FUT8: variants seen among roughly 807,000 people sequenced by gnomAD.
FUT8 encodes the protein fucosyltransferase 8.
Under a neutral mutation model 71.3 loss-of-function variants are expected in FUT8, and 29 were observed. The observed-to-expected ratio is 0.41, with a 90% CI of 0.30 to 0.55. FUT8 has a LOEUF of 0.55. Ranked by LOEUF, FUT8 falls within the 20% of genes least tolerant of loss-of-function variation. The pLI is 0.34. For missense variants in FUT8, 544 were observed against 702.1 expected, an observed-to-expected ratio of 0.77 and a Z score of 2.55; for synonymous variants, 254 against 239.3, an observed-to-expected ratio of 1.06 and a Z score of -0.57.
At position 65,650,931 on chromosome 14, in the gene FUT8, GC is replaced by G. The variant is rs532047511; in HGVS notation, c.598-18311del. 6.6e-3 allele frequency among the ~76,000 whole-genome samples: 1,011 copies of G among 152,250 alleles called. 5 individuals carry two copies. Among genetic ancestry groups the G allele is most frequent in the Non-Finnish European group, 0.01 (686 of 68,012 alleles). On this transcript the variant is annotated intron_variant, in intron 6 of 10. Coordinates refer to ENST00000673929, the MANE Select transcript of FUT8 (RefSeq NM_001371533.1). ...CAGGTGCTGTAGCTATGGAGATTGT[GC>G]ATGTAGCCCTGTCCCTCATTCCTGT...
chr14:65,613,177 T>C (rs1240008099), intron 3 of FUT8, among the ~76,000 whole-genome samples: 5 of 152,188 alleles, frequency 3.3e-5, no homozygotes, highest in African/African-American at 1.2e-4. Flanking sequence ...TTTTCATGGC[T>C]GTTTTGCCTC....
intron 6 of FUT8, among the ~76,000 whole-genome samples, chr14:65,658,106 C>T (rs575320394): frequency 6.6e-6 from 1 of 152,140 alleles, no homozygotes; most frequent in South Asian, 2.1e-4. Context: ...TAAGAACTCT[C>T]CAATCTCAAT....
intron 2 of FUT8, among the ~76,000 whole-genome samples, chr14:65,553,069 C>G (rs1006177452): frequency 5.3e-5 from 8 of 152,182 alleles, no homozygotes; most frequent in Non-Finnish European, 8.8e-5. Context: ...GATCCTCCCA[C>G]CTCAGCCTCC....
chr14:65,737,893 T>G (rs192130986), intron 10 of FUT8, among the ~76,000 whole-genome samples: 1 of 152,238 alleles, frequency 6.6e-6, no homozygotes, highest in East Asian at 1.9e-4. Flanking sequence ...TGAATCAGAT[T>G]TTGGAAGCCC....
At position 65,550,964 on chromosome 14, in the gene FUT8, C is replaced by T. The variant is rs1885250665; in HGVS notation, c.-227-10373C>T. ...TGCATTTTGTTTACATATTAAAATGCATCTTAGCATAAATTTTTGCATGTG... is the reference window on the plus strand; with the variant it reads ...TGCATTTTGTTTACATATTAAAATGTATCTTAGCATAAATTTTTGCATGTG... On this transcript the variant is annotated intron_variant, in intron 2 of 10. Transcript: ENST00000673929. This position sits in a 1 kb window ranked among gnomAD's most constrained non-coding sequence, Gnocchi z 4.5. 6.6e-6 allele frequency among the ~76,000 whole-genome samples: 1 copy of T among 152,144 alleles called. No individual in the cohort carries two copies. The highest frequency in any genetic ancestry group is 6.5e-5 in the Admixed American group (1 of 15,274).
chr14:65,578,935 C>T (rs1029013533), intron 3 of FUT8, among the ~76,000 whole-genome samples: 7 of 151,812 alleles, frequency 4.6e-5, no homozygotes, highest in African/African-American at 1.7e-4. Context: ...TGTTGCTTGG[C>T]GGGGGTATTT....
the FUT8 span, among the ~76,000 whole-genome samples, chr14:65,363,135 T>C: frequency 6.6e-6 from 1 of 152,264 alleles, no homozygotes. Flanking sequence ...CTTTCTTTTC[T>C]TTTTGAGATG....
upstream of FUT8, chr14:65,412,384 C>T (rs146649717): frequency 1.3e-3 from 571 of 454,686 alleles, 6 homozygotes; most frequent in African/African-American, 9.8e-3. Flanking sequence ...GGTCCATTCC[C>T]GGCGCTGTAG....
chr14:65,631,192 C>T (rs890289258), intron 6 of FUT8, among the ~76,000 whole-genome samples: 1 of 152,132 alleles, frequency 6.6e-6, no homozygotes, highest in Non-Finnish European at 1.5e-5. Context: ...CTATAAACAG[C>T]TGGTGGTGCA....
At chr14:65,400,825 C>T in the FUT8 span, among the ~76,000 whole-genome samples, 3 of 152,104 alleles carry the variant, frequency 2.0e-5, no homozygotes, top group East Asian at 5.8e-4. Flanking sequence ...GTTGAGGCTG[C>T]AGTGAGCCAG....
At position 65,669,232 on chromosome 14, in the gene FUT8, C is replaced by A. The variant is rs576655068; in HGVS notation, c.598-11C>A. On this transcript the variant is annotated splice_polypyrimidine_tract_variant and intron_variant, in intron 6 of 10. Transcript: ENST00000673929. The surrounding 1 kb of genome is among the most constrained non-coding windows in gnomAD (Gnocchi z 4.5). ...CTTATCTTTATTTTCATTTCTCTTT[C>A]TCCCTGACAGAATCCCAAGGACTGC... 1.6e-4 allele frequency: 256 copies of A among 1,599,204 alleles called. 6 individuals carry two copies. The South Asian group carries it at 1.6e-3, about 10-fold the overall frequency.
chr14:65,481,028 C>G (rs1040038240), intron 2 of FUT8, among the ~76,000 whole-genome samples: 6 of 152,122 alleles, frequency 3.9e-5, no homozygotes, highest in African/African-American at 1.4e-4. Flanking sequence ...AGACATCATA[C>G]TGTTTTCCAC....
At chr14:65,726,282 C>A (rs775918405) in intron 9 of FUT8, among the ~76,000 whole-genome samples, 4 of 152,204 alleles carry the variant, frequency 2.6e-5, no homozygotes, top group Admixed American at 6.5e-5. Context: ...TCTTGATGAG[C>A]AAATTAATTC....
intron 2 of FUT8, among the ~76,000 whole-genome samples, chr14:65,553,286 A>T (rs1885392957): frequency 6.6e-6 from 1 of 152,162 alleles, no homozygotes; most frequent in East Asian, 1.9e-4. Context: ...TTCAAATAAT[A>T]TAGCAGTTCA....
In FUT8 at chr14:65,421,735, A is replaced by ACCCAC. The variant is rs1555359414; in HGVS notation, c.-326+8525_-326+8529dup. On this transcript the variant is annotated intron_variant, in intron 1 of 10. Coordinates refer to ENST00000673929, the MANE Select transcript of FUT8 (RefSeq NM_001371533.1). ...AAGATTTGTATCTTGAAACCCTTTA[A>ACCCAC]CCCACCCCCCCCTTTTTTTTTTTTT... Among the ~76,000 whole-genome samples, 36 of 34,340 alleles carry ACCCAC rather than the reference A, an allele frequency of 1.0e-3. 1 individual carries two copies. The highest frequency in any genetic ancestry group is 3.0e-3 in the African/African-American group (35 of 11,724). The allele number at this position is 34,340 out of a possible 152,430, so 22.5% of individuals were successfully genotyped here. A position where few individuals can be genotyped will look rare whatever the true frequency, so the allele number is the denominator to read the frequency against.
intron 7 of FUT8, among the ~76,000 whole-genome samples, chr14:65,711,780 T>G (rs959133615): frequency 3.3e-5 from 5 of 152,172 alleles, no homozygotes; most frequent in African/African-American, 1.2e-4. Flanking sequence ...AATGTCATGT[T>G]TCAAAGATTT....
intron 3 of FUT8, among the ~76,000 whole-genome samples, chr14:65,588,948 A>G (rs1208884376): frequency 1.3e-5 from 2 of 152,286 alleles, no homozygotes; most frequent in African/African-American, 4.8e-5. Flanking sequence ...CCCCACAAAT[A>G]AGAGGGAACT....
intron 2 of FUT8, among the ~76,000 whole-genome samples, chr14:65,469,489 AACCTC>A (rs752145905): frequency 0.025 from 3,851 of 152,292 alleles, 71 homozygotes; most frequent in Non-Finnish European, 0.041. Flanking sequence ...TCTGTCTAGA[AACCTC>A]TGTGGCCAGT....
At chr14:65,414,998 AAAAAC>A (rs2065198133) in intron 1 of FUT8, among the ~76,000 whole-genome samples, 1 of 152,334 alleles carries the variant, frequency 6.6e-6, no homozygotes, top group East Asian at 1.9e-4. Flanking sequence ...TGGAATCGAA[AAAAAC>A]AAAACAAAAC....
Sources: gnomAD v4.1 joint callset for allele counts (sites outside exome capture counted in the v4.1 genomes callset) on GRCh38, gnomAD v4.1.1 for gene constraint, Gnocchi (gnomAD v3.1) non-coding constraint, MANE v1.5 for transcripts, NCBI Gene and HGNC (gene_info 2026-07-23, HGNC 2026-07-21) for gene names.